C6orf89: variants seen among roughly 807,000 people sequenced by gnomAD.
C6orf89 encodes chromosome 6 open reading frame 89, also known as bombesin receptor-activated protein C6orf89.
A neutral mutation model predicts 40.7 loss-of-function variants in C6orf89; 29 were observed. That is an observed-to-expected ratio of 0.71 (90% confidence interval 0.53 to 0.97). C6orf89 has a LOEUF of 0.97. C6orf89 is among the 50% of genes least tolerant of loss of function. The pLI, the probability that C6orf89 is intolerant of heterozygous loss-of-function variation, is 0.00. For missense variants in C6orf89, 392 were observed against 429.1 expected (o/e 0.91, Z 0.76); for synonymous variants, 165 against 152.2 (o/e 1.08, Z -0.62).
At chr6:36,912,375 T>C (rs1299486563) in intron 4 of C6orf89, among the ~76,000 whole-genome samples, 4 of 152,248 alleles carry the variant, frequency 2.6e-5, no homozygotes, top group Admixed American at 2.0e-4. Context: ...TGCATTAGCT[T>C]GCTTTCTCCT....
At chr6:36,875,514 A>G (rs1388986871) in intron 1 of C6orf89, among the ~76,000 whole-genome samples, 2 of 152,262 alleles carry the variant, frequency 1.3e-5, no homozygotes, top group Non-Finnish European at 2.9e-5. Flanking sequence ...ATTGGCTGGG[A>G]TAGATGGTAC....
chr6:36,916,573 A>T lies in C6orf89; in HGVS notation c.824A>T (p.Lys275Met), dbSNP rs1307957333. The T allele has an allele frequency of 5.0e-6, 8 of 1,613,986 alleles. No individual in the cohort carries two copies. The highest frequency in any genetic ancestry group is 6.8e-6 in the Non-Finnish European group (8 of 1,179,952). Residue 275 changes from lysine (K) to methionine (M), a missense_variant and splice_region_variant, in exon 7 of 9, where the codon AAG becomes ATG. Physicochemically the swap from Lys to Met is moderately conservative, Grantham distance 95. Transcript: ENST00000480824. ...CACCCAGAACCTGTTGTGGGGAGTA[A>T]GGTAGGAAATTTTGAGAGGACTTGG... is the stretch of plus-strand genomic sequence containing the variant. ...FLHPEPVVGS[K>M]MHKMPDLFII... is the part of the protein sequence containing the mutation.
At chr6:36,883,657 T>C (rs905706582), upstream of C6orf89, among the ~76,000 whole-genome samples, 10 of 152,200 alleles carry the variant, frequency 6.6e-5, no homozygotes, top group African/African-American at 2.4e-4. Context: ...CATTGCCTCA[T>C]AATCAGTCAA....
intron 1 of C6orf89, among the ~76,000 whole-genome samples, chr6:36,877,749 C>T (rs1392089919): frequency 6.6e-6 from 1 of 152,222 alleles, no homozygotes; most frequent in Non-Finnish European, 1.5e-5. Context: ...GCCTCTATAA[C>T]AATATCTCAG....
intron 7 of C6orf89, among the ~76,000 whole-genome samples, chr6:36,916,885 A>C (rs1762342175): frequency 6.6e-6 from 1 of 152,144 alleles, no homozygotes; most frequent in Non-Finnish European, 1.5e-5. Context: ...TTGAGGGTGC[A>C]ATTAGTCTGG....
chr6:36,918,419 C>CT (rs1192988897), intron 7 of C6orf89, among the ~76,000 whole-genome samples: 1 of 152,242 alleles, frequency 6.6e-6, no homozygotes, highest in Non-Finnish European at 1.5e-5. Flanking sequence ...CAACTGAAGG[C>CT]TAGCTGAAGA....
At chr6:36,888,379 C>G (rs531502144) in intron 1 of C6orf89, among the ~76,000 whole-genome samples, 2 of 152,340 alleles carry the variant, frequency 1.3e-5, no homozygotes, top group African/African-American at 4.8e-5. Context: ...CGCTTGTAAT[C>G]CTAGCACTTT....
rs377614764 is a variant in C6orf89, at chr6:36,914,113, C to T, written c.404-171C>T. Reference sequence around the variant, plus strand: ...GAGGCAGGGGTTACAGTGAGCTGGACGGCACCACTGCACTCCAGCCTGGGC... The same window carrying T: ...GAGGCAGGGGTTACAGTGAGCTGGATGGCACCACTGCACTCCAGCCTGGGC... On this transcript the variant is annotated intron_variant, in intron 4 of 8. Coordinates refer to ENST00000480824, the MANE Select transcript of C6orf89 (RefSeq NM_001286635.2). 1.4e-4 allele frequency among the ~76,000 whole-genome samples: 21 copies of T among 152,274 alleles called. No homozygotes were observed. The East Asian group carries it at 1.5e-3, about 11-fold the overall frequency.
At chr6:36,913,612 G>T (rs1031006062) in intron 4 of C6orf89, among the ~76,000 whole-genome samples, 23 of 152,366 alleles carry the variant, frequency 1.5e-4, no homozygotes, top group South Asian at 2.1e-4. Flanking sequence ...ATGGGTCATA[G>T]GTTAGAAAAT....
chr6:36,885,239 T>C (rs1774931174), upstream of C6orf89, among the ~76,000 whole-genome samples: 1 of 152,212 alleles, frequency 6.6e-6, no homozygotes, highest in Non-Finnish European at 1.5e-5. Context: ...CTTCAACCAC[T>C]CACAGCCTGC....
Position 36,923,702 on chromosome 6 carries a change from C to T in C6orf89, c.*261C>T. The stretch of plus-strand genomic sequence containing the variant: ...GCCAGCACCCATCTGAGACTGACCT[C>T]TTCCGGGCCTTTGGACACTATGACC... On this transcript the variant is annotated 3_prime_UTR_variant, in exon 9 of 9. Coordinates refer to ENST00000480824, the MANE Select transcript of C6orf89 (RefSeq NM_001286635.2). 2.2e-6 allele frequency: 1 copy of T among 456,010 alleles called. No homozygotes were observed. The highest frequency in any genetic ancestry group is 2.0e-5 in the South Asian group (1 of 50,250). The allele number at this position is 456,010 out of a possible 1,614,324, so 28.2% of individuals were successfully genotyped here.
chr6:36,881,675 G>A (rs185658989), upstream of C6orf89, among the ~76,000 whole-genome samples: 516 of 151,850 alleles, frequency 3.4e-3, 3 homozygotes, highest in Middle Eastern at 0.014. Context: ...ACTCCATCTC[G>A]AAAAAACAAA....
chr6:36,927,021 T>TA lies in C6orf89; in HGVS notation c.*3585dup, dbSNP rs1473110709. 4 of 152,236 alleles carry TA rather than the reference T, an allele frequency of 2.6e-5. No individual in the cohort carries two copies. Among genetic ancestry groups the TA allele is most frequent in the African/African-American group, 9.6e-5 (4 of 41,452 alleles). The allele number at this position is 152,236 out of a possible 1,614,324, so 9.4% of individuals were successfully genotyped here. ...AAAGAATCTAACCATATGACTTTTATAAAAATCCTTTCACTTTTCCCCTCC... is the reference window on the plus strand; with the variant it reads ...AAAGAATCTAACCATATGACTTTTATAAAAAATCCTTTCACTTTTCCCCTCC... On this transcript the variant is annotated 3_prime_UTR_variant, in exon 9 of 9. Coordinates refer to ENST00000480824, the MANE Select transcript of C6orf89 (RefSeq NM_001286635.2).
chr6:36,921,410 T>C (rs1038598592), intron 8 of C6orf89, among the ~76,000 whole-genome samples: 5 of 152,142 alleles, frequency 3.3e-5, no homozygotes, highest in African/African-American at 1.2e-4. Flanking sequence ...CACCATGACA[T>C]GCAAGTTCTA....
At chr6:36,904,293 C>T (rs1000534570) in intron 4 of C6orf89, among the ~76,000 whole-genome samples, 6 of 152,190 alleles carry the variant, frequency 3.9e-5, no homozygotes, top group Admixed American at 2.6e-4. Context: ...TGTAAACAAG[C>T]TGGATTATTT....
intron 4 of C6orf89, among the ~76,000 whole-genome samples, chr6:36,905,665 T>C (rs1416635860): frequency 6.6e-6 from 1 of 152,214 alleles, no homozygotes; most frequent in Admixed American, 6.5e-5. Flanking sequence ...AGTTTTCTCT[T>C]TACATTCACA....
rs1024133655 is a variant in C6orf89 at position 36,924,578 on chromosome 6, T to C, written c.*1137T>C. ...CTGATTGGATGATTCACTATGTGCA[T>C]TGTTTTCTCCTAAGTGCTTTTAGTA... is the stretch of plus-strand genomic sequence containing the variant. On this transcript the variant is annotated 3_prime_UTR_variant, in exon 9 of 9. Transcript: ENST00000480824. The C allele has an allele frequency of 6.6e-6, 1 of 152,252 alleles. No homozygotes were observed. The highest frequency in any genetic ancestry group is 1.5e-5 in the Non-Finnish European group (1 of 68,046). The allele number at this position is 152,252 out of a possible 1,614,324, so 9.4% of individuals were successfully genotyped here.
chr6:36,912,349 T>C (rs1280281990), intron 4 of C6orf89, among the ~76,000 whole-genome samples: 1 of 152,198 alleles, frequency 6.6e-6, no homozygotes, highest in African/African-American at 2.4e-5. Context: ...GTGACTAACA[T>C]AGGGCAAGCA....
chr6:36,924,418 G>A lies in C6orf89; in HGVS notation c.*977G>A, dbSNP rs1762615946. 6.6e-6 allele frequency: 1 copy of A among 152,230 alleles called. No homozygotes were observed. 9.4% of individuals were successfully genotyped at this position (152,230 alleles called of 1,614,324 possible). On this transcript the variant is annotated 3_prime_UTR_variant, in exon 9 of 9. Transcript: ENST00000480824. ...TAATGTGGTTGGGGGAGGAAATCCA[G>A]ACCCAAAGTGTTTGTCAGCTGGGTG...
Sources: allele counts gnomAD v4.1 joint callset (sites outside exome capture counted in the v4.1 genomes callset), GRCh38; gene constraint gnomAD v4.1.1; transcripts MANE v1.5; gene names NCBI Gene and HGNC (gene_info 2026-07-23, HGNC 2026-07-21).